MAP3K2: variants seen among roughly 807,000 people sequenced by gnomAD.
The protein encoded by MAP3K2 is mitogen-activated protein kinase kinase kinase 2.
A neutral mutation model predicts 80.3 loss-of-function variants in MAP3K2; 24 were observed. That is an observed-to-expected ratio of 0.30 (90% confidence interval 0.22 to 0.42). MAP3K2 has a LOEUF of 0.42. Ranked by LOEUF, MAP3K2 falls within the 10% of genes least tolerant of loss-of-function variation. MAP3K2 has a pLI of 1.00. For synonymous variants in MAP3K2, 244 were observed against 253.7 expected, an observed-to-expected ratio of 0.96 and a Z score of 0.36; for missense variants, 608 against 750.1, an observed-to-expected ratio of 0.81 and a Z score of 2.21.
Position 127,299,052 on chromosome 2 carries a change from CAA to C in MAP3K2, c.*8525_*8526del, listed in dbSNP as rs775741459. 25 of 152,008 alleles carry C rather than the reference CAA, an allele frequency of 1.6e-4. No individual in the cohort carries two copies. The Middle Eastern group carries it at 0.017, about 103-fold the overall frequency. 9.4% of individuals were successfully genotyped at this position (152,008 alleles called of 1,614,324 possible). ...TACAAGCACAATTTTGAATGACAAACAAAATCAAAATGTGCATGAAATGTTGC... is the reference window on the plus strand; with the variant it reads ...TACAAGCACAATTTTGAATGACAAACAATCAAAATGTGCATGAAATGTTGC... On this transcript the variant is annotated 3_prime_UTR_variant, in exon 17 of 17. Coordinates refer to ENST00000682094, the MANE Select transcript of MAP3K2 (RefSeq NM_001371910.2).
intron 14 of MAP3K2, among the ~76,000 whole-genome samples, chr2:127,315,092 C>T (rs1212405234): frequency 6.6e-6 from 1 of 152,130 alleles, no homozygotes; most frequent in Non-Finnish European, 1.5e-5. Context: ...ATGGGTGTAA[C>T]TAGAAAGAAC....
At chr2:127,365,298 T>G (rs1686953645) in intron 1 of MAP3K2, among the ~76,000 whole-genome samples, 1 of 152,146 alleles carries the variant, frequency 6.6e-6, no homozygotes, top group South Asian at 2.1e-4. Flanking sequence ...AGCAACTTGC[T>G]CTCTCACATT....
At chr2:127,309,498 A>G (rs1056516758) in intron 15 of MAP3K2, among the ~76,000 whole-genome samples, 2 of 152,174 alleles carry the variant, frequency 1.3e-5, no homozygotes, top group Non-Finnish European at 2.9e-5. Context: ...ATAAACCAAT[A>G]CTGAAATATT....
intron 1 of MAP3K2, among the ~76,000 whole-genome samples, chr2:127,358,561 C>T (rs1408161224): frequency 1.3e-5 from 2 of 151,764 alleles, no homozygotes; most frequent in African/African-American, 2.4e-5. Flanking sequence ...GTGGCATATC[C>T]ATATGACGGA....
rs75573011 is a variant in MAP3K2 at position 127,343,371 on chromosome 2, G to A, written c.-65-177C>T. 736 of 449,684 alleles carry A rather than the reference G, an allele frequency of 1.6e-3. 2 individuals carry two copies. Among genetic ancestry groups the A allele is most frequent in the African/African-American group, 0.013 (671 of 50,802 alleles). The allele number at this position is 449,684 out of a possible 1,614,324, so 27.9% of individuals were successfully genotyped here. On this transcript the variant is annotated intron_variant, in intron 1 of 16. Coordinates refer to ENST00000682094, the MANE Select transcript of MAP3K2 (RefSeq NM_001371910.2). Reference sequence around the variant, plus strand: ...AGGTTGATCATGTAGGCACCCCCTTGCCTAACACATACCAAAATTCCAGAC... The same window carrying A: ...AGGTTGATCATGTAGGCACCCCCTTACCTAACACATACCAAAATTCCAGAC...
rs547541127 is a variant in MAP3K2 at position 127,302,231 on chromosome 2, T to G, written c.*5348A>C. 30 of 152,106 alleles carry G rather than the reference T, an allele frequency of 2.0e-4. No homozygotes were observed. Among genetic ancestry groups the G allele is most frequent in the African/African-American group, 6.5e-4 (27 of 41,494 alleles). 9.4% of individuals were successfully genotyped at this position (152,106 alleles called of 1,614,324 possible). A position where few individuals can be genotyped will look rare whatever the true frequency, so the allele number is the denominator to read the frequency against. On this transcript the variant is annotated 3_prime_UTR_variant, in exon 17 of 17. Transcript: ENST00000682094. ...TTAATCTACCTTTAGCAACCAAGAG[T>G]ATGGCAATTTACAATCAATATTATT...
At chr2:127,315,235 A>C (rs960414306) in intron 14 of MAP3K2, among the ~76,000 whole-genome samples, 4 of 152,210 alleles carry the variant, frequency 2.6e-5, no homozygotes, top group Non-Finnish European at 5.9e-5. Context: ...GAGAAAGCTG[A>C]ATCAGTCTGA....
In MAP3K2 at chr2:127,387,508, G is replaced by T. The variant is rs1041665984; in HGVS notation, c.-122C>A. On this transcript the variant is annotated 5_prime_UTR_variant, in exon 1 of 17. Transcript: ENST00000682094. ...GGCCCAAGGAGGGGCCGCCCCCGCCGAGCCCGCCCCTCCGCCCCAGCGCGG... is the reference window on the plus strand; with the variant it reads ...GGCCCAAGGAGGGGCCGCCCCCGCCTAGCCCGCCCCTCCGCCCCAGCGCGG... 3.0e-6 allele frequency: 3 copies of T among 984,544 alleles called. No individual in the cohort carries two copies. The highest frequency in any genetic ancestry group is 3.5e-5 in the African/African-American group (2 of 57,018). 61.0% of individuals were successfully genotyped at this position (984,544 alleles called of 1,614,324 possible).
chr2:127,319,885 A>G (rs550229924), intron 12 of MAP3K2, among the ~76,000 whole-genome samples: 1 of 151,932 alleles, frequency 6.6e-6, no homozygotes, highest in Non-Finnish European at 1.5e-5. Flanking sequence ...ACCATTGAGA[A>G]AATCCCTTTA....
At chr2:127,314,632 C>T (rs1573978567) in intron 15 of MAP3K2, 122 bp downstream of exon 15, 1 of 770,184 alleles carries the variant, frequency 1.3e-6, no homozygotes, top group African/African-American at 1.8e-5. Context: ...AGCAAGAGAA[C>T]TGTTTCCCTG....
At chr2:127,333,915 A>G (rs1338825826) in intron 5 of MAP3K2, among the ~76,000 whole-genome samples, 1 of 152,100 alleles carries the variant, frequency 6.6e-6, no homozygotes, top group African/African-American at 2.4e-5. Context: ...TCTGGGCAAC[A>G]TGGTGAAACC....
intron 1 of MAP3K2, among the ~76,000 whole-genome samples, chr2:127,374,376 T>C (rs901951760): frequency 1.3e-5 from 2 of 152,214 alleles, no homozygotes; most frequent in Non-Finnish European, 2.9e-5. Context: ...CACTGGCTTA[T>C]GGCAATGATC....
At position 127,322,150 on chromosome 2, in the gene MAP3K2, C is replaced by T; in HGVS notation, c.941G>A (p.Ser314Asn). Residue 314 changes from serine to asparagine, a missense_variant, in exon 12 of 17, where the codon AGC (serine) becomes AAC (asparagine). Ser to Asn is a conservative substitution (Grantham distance 46). This residue lies in a region of MAP3K2 where 467 missense variants were observed against 521.9 expected (regional missense o/e 0.89). Coordinates refer to ENST00000682094, the MANE Select transcript of MAP3K2 (RefSeq NM_001371910.2). This position sits in a 1 kb window ranked among gnomAD's most constrained non-coding sequence, Gnocchi z 4.2. ...ATCATACTCTGGGGTAAAGATACTG[C>T]TTCCACTACTAGTGCTTAAGGAATG... ...TDHSLSTSSG[S>N]SIFTPEYDDS... 6.2e-7 allele frequency: 1 copy of T among 1,613,798 alleles called. No individual in the cohort carries two copies.
At chr2:127,330,136 A>C (rs903393347) in intron 6 of MAP3K2, 128 bp from the exon 7 acceptor site, 19 of 619,680 alleles carry the variant, frequency 3.1e-5, no homozygotes, top group African/African-American at 3.0e-4. Context: ...TACTCTTTGA[A>C]ATTTTAATTC....
At chr2:127,340,425 G>A (rs942424011) in intron 2 of MAP3K2, among the ~76,000 whole-genome samples, 1 of 152,144 alleles carries the variant, frequency 6.6e-6, no homozygotes, top group African/African-American at 2.4e-5. Flanking sequence ...TTGGGAGGCC[G>A]AGGGGGGCAG....
At chr2:127,354,095 A>G (rs1686755382) in intron 1 of MAP3K2, among the ~76,000 whole-genome samples, 1 of 151,986 alleles carries the variant, frequency 6.6e-6, no homozygotes, top group South Asian at 2.1e-4. Context: ...ACCCAGGGAC[A>G]CAAACACTGT....
Position 127,317,765 on chromosome 2 carries a change from AAG to A in MAP3K2, c.1195-7_1195-6del. 6.3e-7 allele frequency: 1 copy of A among 1,597,816 alleles called. No homozygotes were observed. ...ACACTCAAGTGCATTTACTTCCTGA[AAG>A]AGAGAATTCATTGTTAAGTCTTCAA... On this transcript the variant is annotated splice_polypyrimidine_tract_variant and splice_region_variant and intron_variant, in intron 13 of 16. Coordinates refer to ENST00000682094, the MANE Select transcript of MAP3K2 (RefSeq NM_001371910.2).
rs1472836819 is a variant in MAP3K2, at chr2:127,305,274, TG to T, written c.*2304del. 6.6e-6 allele frequency: 1 copy of T among 152,498 alleles called. No homozygotes were observed. Among genetic ancestry groups the T allele is most frequent in the Non-Finnish European group, 1.5e-5 (1 of 67,980 alleles). The allele number at this position is 152,498 out of a possible 1,614,324, so 9.4% of individuals were successfully genotyped here. A position where few individuals can be genotyped will look rare whatever the true frequency, so the allele number is the denominator to read the frequency against. On this transcript the variant is annotated 3_prime_UTR_variant, in exon 17 of 17. Transcript: ENST00000682094. ...CATGATCTTGCTCAAGTAGAAAAGA[TG>T]CCCTCATTCATAAAAGATAAAGAAA...
At chr2:127,386,424 A>C (rs886296088) in intron 1 of MAP3K2, among the ~76,000 whole-genome samples, 1 of 152,260 alleles carries the variant, frequency 6.6e-6, no homozygotes, top group African/African-American at 2.4e-5. Flanking sequence ...AAAAGATTGC[A>C]TAAGACAACG....
Sources: allele counts gnomAD v4.1 joint callset (sites outside exome capture counted in the v4.1 genomes callset), GRCh38; gene constraint gnomAD v4.1.1; regional missense constraint gnomAD v4.1.1; non-coding constraint Gnocchi (gnomAD v3.1); transcripts MANE v1.5; gene names NCBI Gene and HGNC (gene_info 2026-07-23, HGNC 2026-07-21).